MEIS1: variants seen among roughly 807,000 people sequenced by gnomAD.
MEIS1 encodes the protein Meis homeobox 1, also known as homeobox protein Meis1.
MEIS1 carries 5 observed loss-of-function variants against 50.8 expected under a neutral mutation model. The observed-to-expected ratio is 0.10, with a 90% confidence interval of 0.05 to 0.21. The LOEUF (loss-of-function observed/expected upper bound fraction) is 0.21. Ranked by LOEUF, MEIS1 falls within the 10% of genes least tolerant of loss-of-function variation. The pLI is 1.00. For synonymous variants in MEIS1, 176 were observed against 179.3 expected (o/e 0.98, Z 0.15); for missense variants, 318 against 517.3 (o/e 0.61, Z 3.74).
intron 9 of MEIS1, among the ~76,000 whole-genome samples, chr2:66,550,070 T>C (rs1452980394): frequency 6.6e-6 from 1 of 152,220 alleles, no homozygotes; most frequent in Non-Finnish European, 1.5e-5. Flanking sequence ...TAAAAAGTTT[T>C]AATTCACACT....
chr2:66,454,934 AT>A (rs1672355019), intron 6 of MEIS1: 1 of 152,206 alleles, frequency 6.6e-6, no homozygotes, highest in Admixed American at 6.5e-5. Flanking sequence ...ATTTGGAAAT[AT>A]AGTGGTATCA....
At chr2:66,440,722 T>G in intron 4 of MEIS1, 110 bp downstream of exon 4, 1 of 650,414 alleles carries the variant, frequency 1.5e-6, no homozygotes, top group Non-Finnish European at 2.6e-6. Flanking sequence ...GGTCTTCCCG[T>G]GCCTGCAGGT....
intron 9 of MEIS1, among the ~76,000 whole-genome samples, chr2:66,549,882 G>A (rs1674877880): frequency 6.6e-6 from 1 of 152,094 alleles, no homozygotes; most frequent in Non-Finnish European, 1.5e-5. Flanking sequence ...CTTATTATGG[G>A]ATATTTCCTG....
At chr2:66,570,210 A>G (rs1048179478) in intron 12 of MEIS1, 1 of 152,174 alleles carries the variant, frequency 6.6e-6, no homozygotes, top group Non-Finnish European at 1.5e-5. Context: ...AAAACATTCC[A>G]TTGAGCTGGG....
intron 9 of MEIS1, among the ~76,000 whole-genome samples, chr2:66,549,232 C>T (rs926074363): frequency 3.9e-5 from 6 of 152,108 alleles, no homozygotes; most frequent in African/African-American, 7.2e-5. Flanking sequence ...GCACTATCTG[C>T]AAGACACAGA....
intron 7 of MEIS1, among the ~76,000 whole-genome samples, chr2:66,483,382 G>A (rs1673065664): frequency 6.6e-6 from 1 of 152,026 alleles, no homozygotes; most frequent in African/African-American, 2.4e-5. Context: ...CTGGACTGGT[G>A]TCCATTTCTA....
At chr2:66,496,247 G>C (rs1043009891) in intron 7 of MEIS1, 2 of 152,148 alleles carry the variant, frequency 1.3e-5, no homozygotes, top group African/African-American at 4.8e-5. Context: ...CCCTCCCCTC[G>C]GGCGTGGGGG....
intron 4 of MEIS1, 193 bp downstream of exon 4, chr2:66,440,805 G>C: frequency 1.7e-6 from 1 of 580,808 alleles, no homozygotes; most frequent in East Asian, 2.9e-5. Flanking sequence ...CATCTCGAGA[G>C]GGGCCGGGCG....
chr2:66,476,587 C>A (rs1672897918), intron 7 of MEIS1, among the ~76,000 whole-genome samples: 1 of 152,150 alleles, frequency 6.6e-6, no homozygotes, highest in East Asian at 1.9e-4. Context: ...TGAGCAGGTT[C>A]TGAGTAATTT....
intron 6 of MEIS1, among the ~76,000 whole-genome samples, chr2:66,452,361 A>G (rs1440657563): frequency 1.3e-5 from 2 of 151,950 alleles, no homozygotes; most frequent in East Asian, 3.8e-4. Flanking sequence ...TGGGAATTAT[A>G]CTATAACTCT....
At chr2:66,439,010 G>C (rs1671874200) in intron 2 of MEIS1, 1 of 151,774 alleles carries the variant, frequency 6.6e-6, no homozygotes, top group Non-Finnish European at 1.5e-5. Flanking sequence ...TGAGCTGTGA[G>C]AGCTAATAAA....
chr2:66,557,522 A>G (rs1200134180), intron 9 of MEIS1, among the ~76,000 whole-genome samples: 1 of 152,202 alleles, frequency 6.6e-6, no homozygotes, highest in Non-Finnish European at 1.5e-5. Flanking sequence ...CACCAATGTG[A>G]TCATGGAATA....
At chr2:66,495,610 T>G (rs1294289573) in intron 7 of MEIS1, among the ~76,000 whole-genome samples, 1 of 152,190 alleles carries the variant, frequency 6.6e-6, no homozygotes. Context: ...ATAGACCACC[T>G]GGATCTGAAT....
chr2:66,500,198 G>A (rs916719166), intron 7 of MEIS1, among the ~76,000 whole-genome samples: 1 of 152,094 alleles, frequency 6.6e-6, no homozygotes. Flanking sequence ...TATAATCTAT[G>A]ATTGTAATCT....
intron 2 of MEIS1, chr2:66,439,411 G>A: frequency 4.0e-6 from 5 of 1,251,562 alleles, no homozygotes; most frequent in Non-Finnish European, 5.0e-6. Context: ...GCTTCGCGCG[G>A]CCGCCTAGGA....
intron 7 of MEIS1, among the ~76,000 whole-genome samples, chr2:66,504,078 C>G (rs1673629053): frequency 1.3e-5 from 2 of 151,770 alleles, no homozygotes; most frequent in African/African-American, 2.4e-5. Flanking sequence ...TACATTTTAC[C>G]CTTTAGCGGA....
At chr2:66,512,449 T>TTAGATAGA (rs769899887) in intron 8 of MEIS1, among the ~76,000 whole-genome samples, 155 bp downstream of exon 8, 3 of 152,210 alleles carry the variant, frequency 2.0e-5, no homozygotes, top group African/African-American at 7.2e-5. Context: ...CACTTATTTC[T>TTAGATAGA]TAGATAGATA....
At chr2:66,559,352 G>A (rs1476666222) in intron 9 of MEIS1, among the ~76,000 whole-genome samples, 1 of 152,160 alleles carries the variant, frequency 6.6e-6, no homozygotes, top group Non-Finnish European at 1.5e-5. Flanking sequence ...CAGTGTAATT[G>A]TTAACAGTGC....
At chr2:66,440,668 C>T in intron 4 of MEIS1, 56 bp downstream of exon 4, 1 of 1,252,978 alleles carries the variant, frequency 8.0e-7, no homozygotes, top group East Asian at 2.6e-5. Flanking sequence ...CTCCCACCTC[C>T]AACGCCCTCA....
Sources: gnomAD v4.1 joint callset for allele counts (sites outside exome capture counted in the v4.1 genomes callset) on GRCh38, gnomAD v4.1.1 for gene constraint, MANE v1.5 for transcripts, NCBI Gene and HGNC (gene_info 2026-07-23, HGNC 2026-07-21) for gene names.